Variants in TAPT1 observed in about 807,000 individuals in gnomAD.
The protein encoded by TAPT1 is transmembrane anterior posterior transformation protein 1 homolog.
TAPT1 carries 28 observed loss-of-function variants against 65.6 expected under a neutral mutation model. The observed-to-expected ratio is 0.43, with a 90% CI of 0.32 to 0.59. The LOEUF is 0.59. Among genes scored for constraint, TAPT1 ranks in the 20% least tolerant of loss-of-function variants. The pLI, the probability that TAPT1 is intolerant of heterozygous loss-of-function variation, is 0.09. For missense variants in TAPT1, 563 were observed against 679.9 expected (o/e 0.83, Z 1.91); for synonymous variants, 278 against 245.2 (o/e 1.13, Z -1.25).
intron 2 of TAPT1, among the ~76,000 whole-genome samples, chr4:16,204,349 T>A (rs1020779767): frequency 6.6e-6 from 1 of 152,138 alleles, no homozygotes; most frequent in Non-Finnish European, 1.5e-5. Context: ...TGCAGAAGAG[T>A]ATACGAGTGG....
intron 1 of TAPT1, chr4:16,214,394 A>C (rs1272926370): frequency 6.6e-6 from 1 of 152,206 alleles, no homozygotes; most frequent in Non-Finnish European, 1.5e-5. Flanking sequence ...CAAACATCTA[A>C]ATAATGCCAT....
intron 2 of TAPT1, among the ~76,000 whole-genome samples, chr4:16,212,548 C>G (rs1750703820): frequency 6.6e-6 from 1 of 152,220 alleles, no homozygotes; most frequent in African/African-American, 2.4e-5. Flanking sequence ...TAAGACAGAG[C>G]TGTTGCTGCG....
chr4:16,186,521 C>T lies in TAPT1; in HGVS notation c.916+14G>A. 6.7e-7 allele frequency: 1 copy of T among 1,491,828 alleles called. No homozygotes were observed. The highest frequency in any genetic ancestry group is 9.1e-7 in the Non-Finnish European group (1 of 1,096,706). 92.4% of individuals were successfully genotyped at this position (1,491,828 alleles called of 1,614,324 possible). ...TACTGCACAGAACTTCAAGTAGAAT[C>T]TAATTGTACATACCGCTATTTGACA... On this transcript the variant is annotated intron_variant, in intron 7 of 13. Coordinates refer to ENST00000405303, the MANE Select transcript of TAPT1 (RefSeq NM_153365.3).
intron 7 of TAPT1, among the ~76,000 whole-genome samples, chr4:16,180,867 A>G (rs317875): frequency 0.47 from 71,971 of 151,868 alleles, 18,254 homozygotes; most frequent in African/African-American, 0.66. Context: ...GGCACTACTC[A>G]CTTCCTATTT....
intron 3 of TAPT1, among the ~76,000 whole-genome samples, chr4:16,202,055 C>G (rs1750065209): frequency 1.3e-5 from 2 of 152,102 alleles, no homozygotes; most frequent in Non-Finnish European, 2.9e-5. Flanking sequence ...TGAGGAGATT[C>G]CTTTTCCACT....
At chr4:16,206,743 G>A (rs372364128) in intron 2 of TAPT1, among the ~76,000 whole-genome samples, 2 of 152,148 alleles carry the variant, frequency 1.3e-5, no homozygotes, top group South Asian at 2.1e-4. Context: ...AGAAATTTAA[G>A]ACTGTTTCCA....
At chr4:16,167,913 T>C (rs953132594) in intron 12 of TAPT1, among the ~76,000 whole-genome samples, 2 of 152,194 alleles carry the variant, frequency 1.3e-5, no homozygotes, top group African/African-American at 4.8e-5. Flanking sequence ...ATTTTGCTTC[T>C]ACTAAAAAGT....
intron 2 of TAPT1, 147 bp from the exon 3 acceptor site, chr4:16,202,727 T>C (rs1750112679): frequency 1.9e-6 from 1 of 515,896 alleles, no homozygotes; most frequent in African/African-American, 1.9e-5. Flanking sequence ...ACAGTTCTTC[T>C]CTTCAAAGAG....
chr4:16,192,668 A>G (rs1749444767), intron 3 of TAPT1, among the ~76,000 whole-genome samples: 1 of 152,226 alleles, frequency 6.6e-6, no homozygotes, highest in Admixed American at 6.5e-5. Context: ...TGGGAAAGAT[A>G]CGTTCTCTTT....
rs541162975 is a variant in TAPT1, at chr4:16,204,226, A to G, written c.331-1646T>C. 2.6e-5 allele frequency among the ~76,000 whole-genome samples: 4 copies of G among 152,286 alleles called. No homozygotes were observed. The South Asian group carries it at 8.3e-4, about 32-fold the overall frequency. Reference sequence around the variant, plus strand: ...GTTTGTGATCCACTAAAAAGTTGCAACTCAGTCTGAAAATCAGGTCCCGGA... The same window carrying G: ...GTTTGTGATCCACTAAAAAGTTGCAGCTCAGTCTGAAAATCAGGTCCCGGA... On this transcript the variant is annotated intron_variant, in intron 2 of 13. Transcript: ENST00000405303.
chr4:16,180,431 G>C (rs946179568), intron 7 of TAPT1, among the ~76,000 whole-genome samples: 2 of 152,184 alleles, frequency 1.3e-5, no homozygotes, highest in African/African-American at 4.8e-5. Context: ...CGATGCAATA[G>C]TGGGGGCTGT....
intron 13 of TAPT1, among the ~76,000 whole-genome samples, chr4:16,165,393 AC>A (rs1301712400): frequency 7.9e-5 from 12 of 151,768 alleles, no homozygotes; most frequent in Non-Finnish European, 1.5e-4. Flanking sequence ...ACATGGTGAA[AC>A]CCCGTCTCTA....
At chr4:16,200,973 C>T (rs1265293829) in intron 3 of TAPT1, among the ~76,000 whole-genome samples, 1 of 152,080 alleles carries the variant, frequency 6.6e-6, no homozygotes, top group Non-Finnish European at 1.5e-5. Context: ...AACTACCTTC[C>T]CATTTGATTA....
intron 11 of TAPT1, among the ~76,000 whole-genome samples, chr4:16,173,336 C>T (rs188472431): frequency 8.3e-4 from 126 of 152,260 alleles, no homozygotes; most frequent in Non-Finnish European, 1.5e-3. Context: ...GTGGGCAATT[C>T]ATTAAAATAT....
intron 11 of TAPT1, among the ~76,000 whole-genome samples, chr4:16,172,350 T>G (rs1468023743): frequency 2.7e-5 from 4 of 150,396 alleles, no homozygotes; most frequent in Admixed American, 6.6e-5. Context: ...ATCTGACCAA[T>G]CCTTACAAAA....
chr4:16,226,923 G>C (rs1250288939), upstream of TAPT1: 2 of 383,688 alleles, frequency 5.2e-6, no homozygotes, highest in Admixed American at 6.6e-5. Context: ...TCCGCTCAGG[G>C]CCTCTTTTGC....
At chr4:16,214,030 T>C (rs1222228354) in intron 1 of TAPT1, 132 bp from the exon 2 acceptor site, 5 of 648,524 alleles carry the variant, frequency 7.7e-6, no homozygotes, top group Non-Finnish European at 7.1e-6. Flanking sequence ...ATTCTATGCC[T>C]AGAACTGCAC....
intron 13 of TAPT1, among the ~76,000 whole-genome samples, chr4:16,163,817 A>C (rs137966295): frequency 1.6e-4 from 24 of 152,276 alleles, no homozygotes; most frequent in African/African-American, 5.8e-4. Flanking sequence ...CAACTCCTAC[A>C]TTACGGCTCC....
intron 3 of TAPT1, among the ~76,000 whole-genome samples, chr4:16,197,999 C>T (rs1578454818): frequency 6.6e-6 from 1 of 152,188 alleles, no homozygotes; most frequent in East Asian, 1.9e-4. Context: ...TTGGCAAACA[C>T]CACACACAAA....
Sources: allele counts gnomAD v4.1 joint callset (sites outside exome capture counted in the v4.1 genomes callset), GRCh38; gene constraint gnomAD v4.1.1; transcripts MANE v1.5; gene names NCBI Gene and HGNC (gene_info 2026-07-23, HGNC 2026-07-21).